Variants in ZFAND3 observed in about 807,000 individuals in gnomAD.
ZFAND3 encodes AN1-type zinc finger protein 3.
Under a neutral mutation model 29.6 loss-of-function variants are expected in ZFAND3, and 10 were observed. That is an observed-to-expected ratio of 0.34 (90% CI 0.21 to 0.57). ZFAND3 has a LOEUF of 0.57. Among genes scored for constraint, ZFAND3 ranks in the 20% least tolerant of loss-of-function variants. The pLI, the probability that ZFAND3 is intolerant of heterozygous loss-of-function variation, is 0.86. For synonymous variants in ZFAND3, 128 were observed against 112.6 expected, an observed-to-expected ratio of 1.14 and a Z score of -0.87; for missense variants, 230 against 304.5, an observed-to-expected ratio of 0.76 and a Z score of 1.82.
chr6:38,114,688 A>G (rs1453114215), intron 4 of ZFAND3, among the ~76,000 whole-genome samples: 1 of 151,920 alleles, frequency 6.6e-6, no homozygotes, highest in East Asian at 2.0e-4. Context: ...TCTTGGGTGA[A>G]GTGCAGCATC....
intron 1 of ZFAND3, among the ~76,000 whole-genome samples, chr6:37,895,517 C>CTTT (rs70977701): frequency 6.8e-4 from 36 of 52,778 alleles, no homozygotes; most frequent in East Asian, 1.2e-3. Flanking sequence ...TTTGAATTTT[C>CTTT]TTTTTTTTTT....
intron 4 of ZFAND3, among the ~76,000 whole-genome samples, chr6:38,105,556 G>A (rs904408332): frequency 6.6e-6 from 1 of 152,190 alleles, no homozygotes; most frequent in Non-Finnish European, 1.5e-5. Flanking sequence ...AGGGATCAGT[G>A]GGGAACAGAG....
intron 2 of ZFAND3, among the ~76,000 whole-genome samples, chr6:38,013,116 A>G (rs1763188361): frequency 6.6e-6 from 1 of 152,250 alleles, no homozygotes; most frequent in African/African-American, 2.4e-5. Flanking sequence ...TGTGTGCCAG[A>G]CACTGTTATA....
intron 1 of ZFAND3, among the ~76,000 whole-genome samples, chr6:37,900,405 CATCTT>C (rs1765298336): frequency 1.3e-5 from 2 of 152,138 alleles, no homozygotes; most frequent in African/African-American, 4.8e-5. Context: ...AGGAGAAACT[CATCTT>C]ACAAATGGTG....
intron 1 of ZFAND3, among the ~76,000 whole-genome samples, chr6:37,831,397 G>A (rs532211321): frequency 6.6e-6 from 1 of 152,320 alleles, no homozygotes; most frequent in East Asian, 1.9e-4. Flanking sequence ...ATTTTCCAGA[G>A]CCAGTCCTTT....
At chr6:38,074,871 TAAG>T (rs1764522120) in intron 3 of ZFAND3, among the ~76,000 whole-genome samples, 1 of 152,158 alleles carries the variant, frequency 6.6e-6, no homozygotes, top group Admixed American at 6.5e-5. Context: ...CTAGGGCACT[TAAG>T]AATTCTGCTA....
chr6:37,905,838 GAAATTCAAA>G (rs1293298086), intron 1 of ZFAND3, among the ~76,000 whole-genome samples: 1 of 151,862 alleles, frequency 6.6e-6, no homozygotes, highest in Non-Finnish European at 1.5e-5. Context: ...GGATTTAACT[GAAATTCAAA>G]AAAAGTTGCT....
At chr6:37,852,581 A>G (rs1264586935) in intron 1 of ZFAND3, among the ~76,000 whole-genome samples, 1 of 151,958 alleles carries the variant, frequency 6.6e-6, no homozygotes, top group Non-Finnish European at 1.5e-5. Flanking sequence ...CTCTTTTTGG[A>G]ATGTATTTCT....
intron 3 of ZFAND3, among the ~76,000 whole-genome samples, chr6:38,077,807 G>C (rs950605995): frequency 6.6e-6 from 1 of 152,176 alleles, no homozygotes; most frequent in Admixed American, 6.5e-5. Flanking sequence ...TTTTGAGTGC[G>C]TGAAAGGCTA....
intron 2 of ZFAND3, among the ~76,000 whole-genome samples, chr6:37,967,993 C>T (rs1033035187): frequency 6.6e-6 from 1 of 152,128 alleles, no homozygotes; most frequent in Non-Finnish European, 1.5e-5. Flanking sequence ...ATTAAAGGTT[C>T]CCTAAAACAA....
chr6:37,918,586 A>G (rs994031520), intron 1 of ZFAND3, among the ~76,000 whole-genome samples: 8 of 152,162 alleles, frequency 5.3e-5, no homozygotes, highest in Non-Finnish European at 8.8e-5. Flanking sequence ...TAAAATTATC[A>G]TGCCTTTGAT....
intron 1 of ZFAND3, among the ~76,000 whole-genome samples, chr6:37,839,121 G>A (rs1159001070): frequency 6.6e-6 from 1 of 151,654 alleles, no homozygotes; most frequent in Non-Finnish European, 1.5e-5. Flanking sequence ...AACAATGTCT[G>A]TTTAAATATT....
rs147694301 is a variant in ZFAND3 at position 37,881,347 on chromosome 6, AAGTGTT to A, written c.72-48611_72-48606del. On this transcript the variant is annotated intron_variant, in intron 1 of 5. Coordinates refer to ENST00000287218, the MANE Select transcript of ZFAND3 (RefSeq NM_021943.3). ...GTGATCTGCCCACCTTGGCCTCCCA[AAGTGTT>A]GGGATTACAGGCGTGAGCCACTGTG... 0.017 allele frequency among the ~76,000 whole-genome samples: 2,573 copies of A among 152,236 alleles called. 246 individuals are homozygous for A. The East Asian group carries it at 0.28, about 16-fold the overall frequency.
intron 1 of ZFAND3, among the ~76,000 whole-genome samples, chr6:37,845,422 A>G (rs547224224): frequency 1.3e-5 from 2 of 152,118 alleles, no homozygotes; most frequent in Non-Finnish European, 2.9e-5. Flanking sequence ...CTTTGTTGGC[A>G]GAAGGGTAAA....
intron 2 of ZFAND3, among the ~76,000 whole-genome samples, chr6:38,005,986 G>A (rs1301168150): frequency 3.3e-5 from 5 of 152,142 alleles, no homozygotes; most frequent in Non-Finnish European, 5.9e-5. Flanking sequence ...GTCGTCTCAT[G>A]GTGTGCTAAG....
At chr6:38,031,304 A>G (rs1191555282) in intron 2 of ZFAND3, among the ~76,000 whole-genome samples, 1 of 152,132 alleles carries the variant, frequency 6.6e-6, no homozygotes, top group Non-Finnish European at 1.5e-5. Context: ...CATCTCCTCA[A>G]TACTTAATAA....
rs112090301 is a variant in ZFAND3, at chr6:37,851,152, C to CT, written c.71+31148dup. ...CATGCCTGACTAATTTTATCGTTTT[C>CT]TTTTTTTTTTTTCAGGTAGAGATGG... On this transcript the variant is annotated intron_variant, in intron 1 of 5. Transcript: ENST00000287218. 6.7e-3 allele frequency among the ~76,000 whole-genome samples: 933 copies of CT among 139,170 alleles called. 6 individuals are homozygous for CT. The highest frequency in any genetic ancestry group is 0.014 in the African/African-American group (538 of 38,052). 91.3% of individuals were successfully genotyped at this position (139,170 alleles called of 152,430 possible).
chr6:37,921,033 T>G (rs1231528932), intron 1 of ZFAND3, among the ~76,000 whole-genome samples: 3 of 152,108 alleles, frequency 2.0e-5, no homozygotes, highest in African/African-American at 4.8e-5. Context: ...TGACTTAGAG[T>G]GTAGTAGGTA....
chr6:37,882,494 A>C (rs1445014804), intron 1 of ZFAND3, among the ~76,000 whole-genome samples: 1 of 152,132 alleles, frequency 6.6e-6, no homozygotes, highest in East Asian at 1.9e-4. Flanking sequence ...GATTAGTCCT[A>C]GGGTTTAGTC....
Sources: allele counts gnomAD v4.1 joint callset (sites outside exome capture counted in the v4.1 genomes callset), GRCh38; gene constraint gnomAD v4.1.1; transcripts MANE v1.5; gene names NCBI Gene and HGNC (gene_info 2026-07-23, HGNC 2026-07-21).